The following FBP2 variants were observed in gnomAD, a reference collection of about 807,000 sequenced individuals.
The protein encoded by FBP2 is fructose-1,6-bisphosphatase isozyme 2.
FBP2 carries 27 observed loss-of-function variants against 31.6 expected under a neutral mutation model. The ratio of observed to expected loss-of-function variants is 0.85; its 90% CI spans 0.63 to 1.18. The LOEUF is 1.18. Ranked by LOEUF, FBP2 falls within the 50% of genes most tolerant of loss-of-function variation. The probability of loss-of-function intolerance (pLI) is 0.00; values close to 1 mark genes in which losing one functional copy is unlikely to be tolerated. For synonymous variants in FBP2, 168 were observed against 179.8 expected (o/e 0.93, Z 0.53); for missense variants, 421 against 436.1 (o/e 0.97, Z 0.31).
chr9:94,571,526 T>C lies in FBP2; in HGVS notation c.503A>G (p.Tyr168Cys). 6.2e-7 allele frequency: 1 copy of C among 1,614,048 alleles called. No individual in the cohort carries two copies. The highest frequency in any genetic ancestry group is 8.5e-7 in the Non-Finnish European group (1 of 1,179,952). Residue 168 changes from tyrosine (Y) to cysteine (C), a missense_variant, in exon 4 of 7, where the codon TAC (tyrosine) becomes TGC (cysteine). Physicochemically the swap from Tyr to Cys is radical, Grantham distance 194 (BLOSUM62 -2). Transcript: ENST00000375337. ...GAGAGCCACCAGGGTTGCACTACCG[T>C]ACAGCGCATAACCTGCGGCCACAAT... is the stretch of plus-strand genomic sequence containing the variant. ...RNIVAAGYAL[Y>C]GSATLVALST... is the part of the protein sequence containing the mutation.
chr9:94,574,893 T>C (rs1158027240), intron 3 of FBP2, among the ~76,000 whole-genome samples: 1 of 152,208 alleles, frequency 6.6e-6, no homozygotes, highest in Non-Finnish European at 1.5e-5. Flanking sequence ...TTCATTGCCA[T>C]GACACCTTTC....
intron 3 of FBP2, among the ~76,000 whole-genome samples, chr9:94,583,787 C>T (rs1024358220): frequency 2.2e-4 from 33 of 152,144 alleles, no homozygotes; most frequent in African/African-American, 7.7e-4. Context: ...TTAGTAGAGA[C>T]GGGGTTTCAC....
chr9:94,590,977 A>T (rs1827492395), intron 1 of FBP2, among the ~76,000 whole-genome samples: 1 of 152,190 alleles, frequency 6.6e-6, no homozygotes, highest in Non-Finnish European at 1.5e-5. Context: ...GCACTCACAA[A>T]CCTTGAGCTA....
chr9:94,585,379 T>G (rs1827415507), intron 2 of FBP2, among the ~76,000 whole-genome samples: 1 of 152,170 alleles, frequency 6.6e-6, no homozygotes, highest in South Asian at 2.1e-4. Context: ...GGGGTTTGTT[T>G]CCGGGGGGTC....
intron 5 of FBP2, 62 bp downstream of exon 5, chr9:94,567,208 C>A (rs1827202152): frequency 1.3e-6 from 2 of 1,588,608 alleles, no homozygotes; most frequent in Admixed American, 3.4e-5. Flanking sequence ...GAAGCCACCA[C>A]CCAAACAGGA....
intron 1 of FBP2, among the ~76,000 whole-genome samples, chr9:94,592,370 G>A (rs1827512390): frequency 6.6e-6 from 1 of 152,160 alleles, no homozygotes; most frequent in South Asian, 2.1e-4. Context: ...CACTTTTTGT[G>A]TTAAAAGCAC....
rs186139496 is a variant in FBP2 at position 94,563,722 on chromosome 9, C to T, written c.706-261G>A. Among the ~76,000 whole-genome samples the T allele has an allele frequency of 1.0e-3, 105 of 103,000 alleles. 2 individuals carry two copies. Among genetic ancestry groups the T allele is most frequent in the Non-Finnish European group, 4.9e-4 (23 of 47,156 alleles). 67.6% of individuals were successfully genotyped at this position (103,000 alleles called of 152,430 possible). ...TATCCTGCAGCAATCTTAAAAGAGC[C>T]GCTAAACAAACAAAGAAAAAGGAAG... is the stretch of plus-strand genomic sequence containing the variant. On this transcript the variant is annotated intron_variant, in intron 5 of 6. Transcript: ENST00000375337.
intron 1 of FBP2, among the ~76,000 whole-genome samples, chr9:94,590,742 TGGTTTA>T (rs1827488518): frequency 6.6e-6 from 1 of 152,228 alleles, no homozygotes; most frequent in Non-Finnish European, 1.5e-5. Flanking sequence ...TTGCCGATGC[TGGTTTA>T]GGCAGCCTGC....
chr9:94,563,260 G>T, intron 6 of FBP2, 82 bp downstream of exon 6: 18 of 1,498,628 alleles, frequency 1.2e-5, no homozygotes, highest in Non-Finnish European at 1.6e-5. Flanking sequence ...AAGCAGTGCA[G>T]TAGCCAAACA....
At chr9:94,590,662 AC>A (rs1827486481) in intron 1 of FBP2, among the ~76,000 whole-genome samples, 1 of 152,150 alleles carries the variant, frequency 6.6e-6, no homozygotes, top group African/African-American at 2.4e-5. Context: ...AGCAGCGTGG[AC>A]CCAAAGAGTG....
At chr9:94,578,004 G>A (rs1399312338) in intron 3 of FBP2, among the ~76,000 whole-genome samples, 1 of 152,170 alleles carries the variant, frequency 6.6e-6, no homozygotes, top group African/African-American at 2.4e-5. Flanking sequence ...AAGTTCGCAT[G>A]AATCTTTGAT....
intron 6 of FBP2, among the ~76,000 whole-genome samples, chr9:94,561,619 C>T (rs1315739161): frequency 6.6e-6 from 1 of 152,066 alleles, no homozygotes; most frequent in African/African-American, 2.4e-5. Context: ...CCCGCCTTGG[C>T]CTCCCAAAGT....
chr9:94,585,850 A>G (rs1046845520), intron 2 of FBP2, among the ~76,000 whole-genome samples: 1 of 151,594 alleles, frequency 6.6e-6, no homozygotes, highest in African/African-American at 2.4e-5. Flanking sequence ...AGCTCAAGCA[A>G]TTCTCCCACC....
chr9:94,571,600 G>A lies in FBP2; in HGVS notation c.429C>T (p.Thr143=), dbSNP rs372505356. 2.4e-5 allele frequency: 38 copies of A among 1,611,310 alleles called. No individual in the cohort carries two copies. The highest frequency in any genetic ancestry group is 2.5e-6 in the Non-Finnish European group (3 of 1,178,558). Residue 143 remains threonine, a splice_region_variant and synonymous_variant, in exon 4 of 7, where the codon ACC becomes ACT. Coordinates refer to ENST00000375337, the MANE Select transcript of FBP2 (RefSeq NM_003837.4). ...IGTIFAIYRK[T]SEDEPSEKDA... is the part of the protein sequence containing the mutation. ...CCTTTTCAGAAGGCTCATCCTCTGA[G>A]GTCTGTGGAAGAGAGGGATAAATGC... is the stretch of plus-strand genomic sequence containing the variant.
At chr9:94,575,767 T>G (rs1827309423) in intron 3 of FBP2, among the ~76,000 whole-genome samples, 1 of 152,226 alleles carries the variant, frequency 6.6e-6, no homozygotes, top group Non-Finnish European at 1.5e-5. Flanking sequence ...CAACACTTGG[T>G]ATGCTTAGTC....
At chr9:94,576,901 T>TG (rs1827321485) in intron 3 of FBP2, among the ~76,000 whole-genome samples, 1 of 151,982 alleles carries the variant, frequency 6.6e-6, no homozygotes, top group African/African-American at 2.4e-5. Context: ...GGGCTGGGGT[T>TG]GGGGGGGCAT....
In FBP2 at chr9:94,573,790, G is replaced by T. The variant is rs148201115; in HGVS notation, c.427-2188C>A. Among the ~76,000 whole-genome samples, 520 of 152,214 alleles carry T rather than the reference G, an allele frequency of 3.4e-3. 8 individuals carry two copies. Among genetic ancestry groups the T allele is most frequent in the African/African-American group, 0.011 (444 of 41,560 alleles). On this transcript the variant is annotated intron_variant, in intron 3 of 6. Coordinates refer to ENST00000375337, the MANE Select transcript of FBP2 (RefSeq NM_003837.4). ...GAATATTGGTCTGTGGTATTTTTTT[G>T]AACAATCTTTGTCTGGTTTTTGTAT...
At chr9:94,571,430 C>T in intron 4 of FBP2, 32 bp downstream of exon 4, 1 of 1,572,596 alleles carries the variant, frequency 6.4e-7, no homozygotes, top group Non-Finnish European at 8.6e-7. Flanking sequence ...ATGGAGTCCC[C>T]AGGCACAGAT....
Position 94,571,512 on chromosome 9 carries a change from G to A in FBP2, c.517C>T (p.Leu173=). 2.5e-6 allele frequency: 4 copies of A among 1,614,014 alleles called. No individual in the cohort carries two copies. The highest frequency in any genetic ancestry group is 3.4e-6 in the Non-Finnish European group (4 of 1,179,952). The change falls in exon 4 of 7, where the codon CTG becomes TTG. Residue 173 remains leucine, a synonymous_variant. Coordinates refer to ENST00000375337, the MANE Select transcript of FBP2 (RefSeq NM_003837.4). ...CCTTGCCCTGTGGAGAGAGCCACCA[G>A]GGTTGCACTACCGTACAGCGCATAA... is the stretch of plus-strand genomic sequence containing the variant. ...AGYALYGSAT[L]VALSTGQGVD...
Sources: gnomAD v4.1 joint callset for allele counts (sites outside exome capture counted in the v4.1 genomes callset) on GRCh38, gnomAD v4.1.1 for gene constraint, MANE v1.5 for transcripts, NCBI Gene and HGNC (gene_info 2026-07-23, HGNC 2026-07-21) for gene names.